Variants in AFF1 observed in about 807,000 individuals in gnomAD.
The protein encoded by AFF1 is AF4/FMR2 family member 1.
Under a neutral mutation model 121.7 loss-of-function variants are expected in AFF1, and 48 were observed. That is an observed-to-expected ratio of 0.39 (90% confidence interval 0.31 to 0.50). The LOEUF (loss-of-function observed/expected upper bound fraction) is 0.50, where lower values mean the gene tolerates loss of function less well. Among genes scored for constraint, AFF1 ranks in the 20% least tolerant of loss-of-function variants. The pLI, the probability that AFF1 is intolerant of heterozygous loss-of-function variation, is 0.76. For synonymous variants in AFF1, 613 were observed against 563.0 expected (o/e 1.09, Z -1.26); for missense variants, 1,523 against 1,511.7 (o/e 1.01, Z -0.12).
rs181642833 is a variant in AFF1, at chr4:86,968,666, A to G, written c.38+20095A>G. ...AAGCTGAGGGAAAAGATTTATGAGC[A>G]ACATCCTGTTCTGGGATCACTGCTG... On this transcript the variant is annotated intron_variant, in intron 2 of 20. Transcript: ENST00000395146. Among the ~76,000 whole-genome samples, 8 of 152,338 alleles carry G rather than the reference A, an allele frequency of 5.3e-5. 1 individual carries two copies. The highest frequency in any genetic ancestry group is 1.3e-4 in the Admixed American group (2 of 15,296).
At chr4:87,017,288 C>A (rs1010306833) in intron 2 of AFF1, among the ~76,000 whole-genome samples, 1 of 151,860 alleles carries the variant, frequency 6.6e-6, no homozygotes, top group Non-Finnish European at 1.5e-5. Context: ...GTTATTTGGG[C>A]TATGAAAGTA....
chr4:87,059,598 A>G (rs1720522421), intron 4 of AFF1, among the ~76,000 whole-genome samples: 1 of 152,210 alleles, frequency 6.6e-6, no homozygotes, highest in African/African-American at 2.4e-5. Flanking sequence ...ATCAAGTCGT[A>G]CTTTTTCAAG....
At chr4:86,950,986 CAG>C (rs1238306108) in intron 2 of AFF1, among the ~76,000 whole-genome samples, 1 of 152,178 alleles carries the variant, frequency 6.6e-6, no homozygotes, top group Non-Finnish European at 1.5e-5. Context: ...GCATTTAAAT[CAG>C]AACTTGTAAG....
At chr4:87,024,355 T>C (rs1038774416) in intron 2 of AFF1, among the ~76,000 whole-genome samples, 2 of 151,888 alleles carry the variant, frequency 1.3e-5, no homozygotes, top group African/African-American at 4.8e-5. Flanking sequence ...TAGGGAAACA[T>C]GGTATGTGTA....
chr4:86,954,346 A>G (rs928217648), intron 2 of AFF1, among the ~76,000 whole-genome samples: 1 of 152,230 alleles, frequency 6.6e-6, no homozygotes, highest in African/African-American at 2.4e-5. Flanking sequence ...TATGAATAAC[A>G]TAAACAGCTG....
At chr4:86,961,206 G>A (rs1722118306) in intron 2 of AFF1, among the ~76,000 whole-genome samples, 1 of 152,100 alleles carries the variant, frequency 6.6e-6, no homozygotes, top group Non-Finnish European at 1.5e-5. Flanking sequence ...GACCAGACGA[G>A]ACCTGTGCTA....
intron 2 of AFF1, among the ~76,000 whole-genome samples, chr4:86,992,722 C>T (rs1724822724): frequency 6.6e-6 from 1 of 152,106 alleles, no homozygotes; most frequent in Non-Finnish European, 1.5e-5. Flanking sequence ...ATACTGTAAA[C>T]CTGAAAAACT....
At chr4:87,134,371 A>C in intron 19 of AFF1, 100 bp from the exon 20 acceptor site, 1 of 1,160,462 alleles carries the variant, frequency 8.6e-7, no homozygotes, top group Non-Finnish European at 1.2e-6. Flanking sequence ...TGTATAGTGA[A>C]ACTTTGTGTC....
chr4:87,089,368 A>G (rs1442791946), intron 5 of AFF1, among the ~76,000 whole-genome samples: 1 of 152,222 alleles, frequency 6.6e-6, no homozygotes, highest in Non-Finnish European at 1.5e-5. Context: ...TCTTTCCTTC[A>G]ACTGAGAAAA....
intron 2 of AFF1, among the ~76,000 whole-genome samples, chr4:86,985,008 A>G (rs1379966760): frequency 6.6e-6 from 1 of 151,028 alleles, no homozygotes; most frequent in East Asian, 1.9e-4. Context: ...GTACTTGTTA[A>G]GAAACAAATA....
chr4:87,046,822 A>G lies in AFF1; in HGVS notation c.287A>G (p.Lys96Arg). Residue 96 changes from lysine (K) to arginine (R), a missense_variant, in exon 4 of 21, where the codon AAG becomes AGG. Transcript: ENST00000395146. ...RLDASENRLG[K>R]PKYPLIPDKG... ...GATGCTTCTGAAAATAGGTTGGGAA[A>G]GCCGAAATATCCTTTAATTCCTGAC... The G allele has an allele frequency of 6.2e-7, 1 of 1,614,226 alleles. No individual in the cohort carries two copies. The highest frequency in any genetic ancestry group is 1.1e-5 in the South Asian group (1 of 91,090).
At chr4:87,022,278 T>C (rs889642244) in intron 2 of AFF1, among the ~76,000 whole-genome samples, 1 of 151,264 alleles carries the variant, frequency 6.6e-6, no homozygotes, top group Admixed American at 6.6e-5. Context: ...CAGTTAACAT[T>C]GACTAAAGCA....
chr4:87,063,951 G>A lies in AFF1; in HGVS notation c.1059+16357G>A, dbSNP rs575036458. Among the ~76,000 whole-genome samples the A allele has an allele frequency of 6.6e-5, 10 of 152,354 alleles. No individual in the cohort carries two copies. In the East Asian group the frequency reaches 1.9e-3, roughly 29 times the overall value. On this transcript the variant is annotated intron_variant, in intron 4 of 20. Transcript: ENST00000395146. ...GTTGGTTTGCTGGTGTTTCACAGTT[G>A]TTGTGATGAAGTAATGAAACTCTGT...
At chr4:87,027,011 G>C (rs763442591) in intron 2 of AFF1, among the ~76,000 whole-genome samples, 3 of 152,146 alleles carry the variant, frequency 2.0e-5, no homozygotes, top group Non-Finnish European at 2.9e-5. Flanking sequence ...ATCAGTACAG[G>C]AAGAAATAGG....
At chr4:87,134,883 C>T (rs886633818) in intron 20 of AFF1, among the ~76,000 whole-genome samples, 189 bp downstream of exon 20, 13 of 152,160 alleles carry the variant, frequency 8.5e-5, no homozygotes, top group Non-Finnish European at 1.6e-4. Context: ...TGGCATGGAG[C>T]TGAGTTTCTG....
At chr4:87,127,524 G>A (rs1728401455) in intron 15 of AFF1, 119 bp from the exon 16 acceptor site, 3 of 873,890 alleles carry the variant, frequency 3.4e-6, no homozygotes, top group East Asian at 2.6e-5. Flanking sequence ...CTCCTTCTTT[G>A]TTTACCCTCT....
At chr4:87,052,424 T>TC (rs368154405) in intron 4 of AFF1, among the ~76,000 whole-genome samples, 1 of 150,502 alleles carries the variant, frequency 6.6e-6, no homozygotes, top group Non-Finnish European at 1.5e-5. Context: ...CGCTCCCTCC[T>TC]CCCCCCACAC....
chr4:87,030,282 G>C (rs1174222109), intron 2 of AFF1, among the ~76,000 whole-genome samples: 2 of 152,192 alleles, frequency 1.3e-5, no homozygotes, highest in South Asian at 2.1e-4. Context: ...GCTCTGCTGT[G>C]GTGGGACCAA....
chr4:87,054,501 T>C (rs957903605), intron 4 of AFF1, among the ~76,000 whole-genome samples: 10 of 152,232 alleles, frequency 6.6e-5, no homozygotes, highest in African/African-American at 2.4e-4. Context: ...CACAATCTTA[T>C]CTAGCTTTTC....
Sources: allele counts gnomAD v4.1 joint callset (sites outside exome capture counted in the v4.1 genomes callset), GRCh38; gene constraint gnomAD v4.1.1; transcripts MANE v1.5; gene names NCBI Gene and HGNC (gene_info 2026-07-23, HGNC 2026-07-21).